Variants in KRT23 observed in about 807,000 individuals in gnomAD.
KRT23 encodes the protein keratin 23.
A neutral mutation model predicts 47.6 loss-of-function variants in KRT23; 38 were observed. The ratio of observed to expected loss-of-function variants is 0.80; its 90% CI spans 0.62 to 1.05. The LOEUF is 1.05. Among genes scored for constraint, KRT23 ranks in the 50% least tolerant of loss-of-function variants. The probability of loss-of-function intolerance (pLI) is 0.00; values close to 1 mark genes in which losing one functional copy is unlikely to be tolerated. For missense variants in KRT23, 503 were observed against 529.5 expected, an observed-to-expected ratio of 0.95 and a Z score of 0.49; for synonymous variants, 191 against 199.0, an observed-to-expected ratio of 0.96 and a Z score of 0.34.
At chr17:40,928,203 G>A in intron 6 of KRT23, 35 bp downstream of exon 6, 1 of 1,613,106 alleles carries the variant, frequency 6.2e-7, no homozygotes, top group Non-Finnish European at 8.5e-7. Flanking sequence ...GAAGGAGGTG[G>A]TGTGGGATTC....
intron 3 of KRT23, 96 bp from the exon 4 acceptor site, chr17:40,930,192 T>C (rs1909557147): frequency 1.6e-6 from 2 of 1,220,340 alleles, no homozygotes; most frequent in Non-Finnish European, 2.3e-6. Context: ...TTTTACTTTT[T>C]AGGTTTAAAG....
rs1909898054 is a variant in KRT23 at position 40,934,297 on chromosome 17, A to G, written c.396+1911T>C. 2.0e-5 allele frequency among the ~76,000 whole-genome samples: 3 copies of G among 152,210 alleles called. No individual in the cohort carries two copies. The South Asian group carries it at 6.2e-4, about 32-fold the overall frequency. On this transcript the variant is annotated intron_variant, in intron 2 of 8. Transcript: ENST00000209718. ...TTAAAGAGTTTCTTTCTTCAAGTGT[A>G]GAGAAAACACAATGTTAGAGGTAAA...
chr17:40,933,748 C>T (rs1330505385), intron 2 of KRT23, among the ~76,000 whole-genome samples: 2 of 152,200 alleles, frequency 1.3e-5, no homozygotes, highest in African/African-American at 4.8e-5. Flanking sequence ...TATGATATAA[C>T]CATCATTTCT....
At chr17:40,927,442 G>A (rs776416122) in intron 6 of KRT23, among the ~76,000 whole-genome samples, 6 of 152,106 alleles carry the variant, frequency 3.9e-5, no homozygotes, top group Non-Finnish European at 8.8e-5. Context: ...TCACCATCAC[G>A]GATGCATAAA....
Position 40,931,419 on chromosome 17 carries a change from G to T in KRT23, c.433C>A (p.Leu145Ile), listed in dbSNP as rs775234590. 3 of 1,613,660 alleles carry T rather than the reference G, an allele frequency of 1.9e-6. No homozygotes were observed. Among genetic ancestry groups the T allele is most frequent in the Non-Finnish European group, 8.5e-7 (1 of 1,179,648 alleles). The change falls in exon 3 of 9, where the codon CTT (leucine) becomes ATT (isoleucine). Residue 145 changes from leucine to isoleucine, a missense_variant. Leu to Ile is a conservative substitution (Grantham distance 5, BLOSUM62 2). Coordinates refer to ENST00000209718, the MANE Select transcript of KRT23 (RefSeq NM_015515.5). ...DGKMTNAQIILLIDNARMAVD... is the reference protein window; with the variant it reads ...DGKMTNAQIIILIDNARMAVD... ...GCCATCCTGGCATTGTCAATGAGAAGAATAATCTGAGCATTGGTCATCTTA... is the reference window on the plus strand; with the variant it reads ...GCCATCCTGGCATTGTCAATGAGAATAATAATCTGAGCATTGGTCATCTTA...
chr17:40,930,078 G>T lies in KRT23; in HGVS notation c.498C>A (p.Ser166=). 6.2e-7 allele frequency: 1 copy of T among 1,614,110 alleles called. No homozygotes were observed. The highest frequency in any genetic ancestry group is 8.5e-7 in the Non-Finnish European group (1 of 1,179,984). ...CTTCAATTTCCAAGTCTTTCTTAAA[G>T]GAGTGTTCATTTTCATACCTTTGGT... ...DFNLKYENEH[S]FKKDLEIEVE... is the part of the protein sequence containing the mutation. The change falls in exon 4 of 9, where the codon TCC becomes TCA. Residue 166 remains serine (S), a synonymous_variant. Transcript: ENST00000209718.
intron 6 of KRT23, among the ~76,000 whole-genome samples, chr17:40,926,999 G>A (rs565075399): frequency 1.3e-5 from 2 of 151,858 alleles, no homozygotes; most frequent in South Asian, 4.2e-4. Context: ...GTGCCTTGTC[G>A]CTTTTGCACT....
At chr17:40,930,880 C>T (rs1050314566) in intron 3 of KRT23, among the ~76,000 whole-genome samples, 6 of 152,044 alleles carry the variant, frequency 3.9e-5, no homozygotes, top group African/African-American at 7.2e-5. Context: ...TTCAAACTTC[C>T]CCATACTATA....
In KRT23 at chr17:40,931,012, C is replaced by CTT. The variant is rs1165590099; in HGVS notation, c.479+359_479+360dup. 8.0e-3 allele frequency among the ~76,000 whole-genome samples: 968 copies of CTT among 120,800 alleles called. 45 individuals carry two copies. Among genetic ancestry groups the CTT allele is most frequent in the African/African-American group, 0.027 (828 of 30,618 alleles). 79.2% of individuals were successfully genotyped at this position (120,800 alleles called of 152,430 possible). A position where few individuals can be genotyped will look rare whatever the true frequency, so the allele number is the denominator to read the frequency against. ...GCGGGTAATGGCAAGATGAGTTTTC[C>CTT]TTTTTTTTTTTTTTTTTGAGATGGA... On this transcript the variant is annotated intron_variant, in intron 3 of 8. Coordinates refer to ENST00000209718, the MANE Select transcript of KRT23 (RefSeq NM_015515.5).
chr17:40,931,125 C>T (rs920725472), intron 3 of KRT23, among the ~76,000 whole-genome samples: 14 of 151,108 alleles, frequency 9.3e-5, no homozygotes, highest in Non-Finnish European at 1.8e-4. Context: ...GATTCTCCTG[C>T]CTCAGCCTCC....
chr17:40,924,659 G>A (rs1308200276), intron 7 of KRT23, among the ~76,000 whole-genome samples, 156 bp from the exon 8 acceptor site: 4 of 152,064 alleles, frequency 2.6e-5, no homozygotes, highest in Non-Finnish European at 4.4e-5. Context: ...ATGGGTTCAC[G>A]GGAGAACCCG....
intron 6 of KRT23, among the ~76,000 whole-genome samples, chr17:40,926,490 C>T (rs1050837249): frequency 3.3e-5 from 5 of 152,080 alleles, no homozygotes; most frequent in East Asian, 1.9e-4. Context: ...TGAAAGCAAT[C>T]GGGAGAGACC....
intron 2 of KRT23, among the ~76,000 whole-genome samples, chr17:40,932,264 T>C (rs758049651): frequency 5.9e-5 from 9 of 152,184 alleles, no homozygotes; most frequent in Non-Finnish European, 1.0e-4. Flanking sequence ...TTTCACTAGA[T>C]GTTCGTATAA....
chr17:40,935,035 T>C (rs1909958403), intron 2 of KRT23, among the ~76,000 whole-genome samples: 1 of 152,088 alleles, frequency 6.6e-6, no homozygotes, highest in Non-Finnish European at 1.5e-5. Flanking sequence ...TTTGCAAAAA[T>C]CTTCAATTCC....
At position 40,925,383 on chromosome 17, in the gene KRT23, G is replaced by A; in HGVS notation, c.1113C>T (p.Tyr371=). The A allele has an allele frequency of 6.2e-7, 1 of 1,613,728 alleles. No individual in the cohort carries two copies. Among genetic ancestry groups the A allele is most frequent in the Non-Finnish European group, 8.5e-7 (1 of 1,180,018 alleles). The change falls in exon 7 of 9, where the codon TAC becomes TAT. Residue 371 remains tyrosine (Y), a synonymous_variant. Transcript: ENST00000209718. ...KTHLEKEITT[Y]RRLLEGESEG... is the part of the protein sequence containing the mutation. ...CACTCTCTCCCTCCAGGAGCCGTCG[G>A]TACGTGGTGATTTCCTTCTCCAGGT... is the stretch of plus-strand genomic sequence containing the variant.
intron 2 of KRT23, among the ~76,000 whole-genome samples, chr17:40,931,775 G>T (rs1909707864): frequency 6.6e-6 from 1 of 152,162 alleles, no homozygotes; most frequent in Non-Finnish European, 1.5e-5. Context: ...GACAGTAATT[G>T]TTCAAAATGC....
In KRT23 at chr17:40,922,882, G is replaced by T; in HGVS notation, c.*107C>A. 2 of 755,176 alleles carry T rather than the reference G, an allele frequency of 2.6e-6. No homozygotes were observed. The highest frequency in any genetic ancestry group is 4.5e-6 in the Non-Finnish European group (2 of 443,736). 46.8% of individuals were successfully genotyped at this position (755,176 alleles called of 1,614,324 possible). A position where few individuals can be genotyped will look rare whatever the true frequency, so the allele number is the denominator to read the frequency against. Reference sequence around the variant, plus strand: ...AGAAAAAAAAAATAAAAGTTTCTGAGTCTGATAATTCCAAGGGTATCTTTT... The same window carrying T: ...AGAAAAAAAAAATAAAAGTTTCTGATTCTGATAATTCCAAGGGTATCTTTT... On this transcript the variant is annotated 3_prime_UTR_variant, in exon 9 of 9. Coordinates refer to ENST00000209718, the MANE Select transcript of KRT23 (RefSeq NM_015515.5).
In KRT23 at chr17:40,936,331, G is replaced by A. The variant is rs755849469; in HGVS notation, c.273C>T (p.Arg91=). 10 of 1,614,086 alleles carry A rather than the reference G, an allele frequency of 6.2e-6. No homozygotes were observed. The African/African-American group carries it at 6.7e-5, about 11-fold the overall frequency. Residue 91 remains arginine (R), a synonymous_variant, in exon 2 of 9, where the codon CGC becomes CGT. Transcript: ENST00000209718. The part of the protein sequence containing the change: ...DRLASYLEKV[R]ALEEANMKLE... ...GCTTCATGTTGGCCTCCTCCAGGGC[G>A]CGAACCTTCTCCAGGTAGGAGGCCA...
intron 4 of KRT23, 123 bp downstream of exon 4, chr17:40,929,817 A>AT (rs1909519346): frequency 1.3e-6 from 1 of 758,000 alleles, no homozygotes; most frequent in African/African-American, 1.7e-5. Flanking sequence ...TCTAAAGACT[A>AT]TTTAGGGTGA....
Sources: allele counts gnomAD v4.1 joint callset (sites outside exome capture counted in the v4.1 genomes callset), GRCh38; gene constraint gnomAD v4.1.1; transcripts MANE v1.5; gene names NCBI Gene and HGNC (gene_info 2026-07-23, HGNC 2026-07-21).